Variants in SLIT2 observed in about 807,000 individuals in gnomAD.
SLIT2 encodes the protein slit guidance ligand 2.
Under a neutral mutation model 185.7 loss-of-function variants are expected in SLIT2, and 41 were observed. The observed-to-expected ratio is 0.22, with a 90% CI of 0.17 to 0.29. SLIT2 has a LOEUF of 0.29. SLIT2 is among the 10% of genes least tolerant of loss of function. SLIT2 has a pLI of 1.00. For synonymous variants in SLIT2, 693 were observed against 680.2 expected (o/e 1.02, Z -0.29); for missense variants, 1,571 against 1,909.0 (o/e 0.82, Z 3.30).
intron 4 of SLIT2, among the ~76,000 whole-genome samples, chr4:20,350,194 AAGCACTGAGCAG>A (rs1721749429): frequency 6.6e-6 from 1 of 152,156 alleles, no homozygotes; most frequent in African/African-American, 2.4e-5. Flanking sequence ...CTCAATTAAT[AAGCACTGAGCAG>A]AGCATACTTT....
At chr4:20,517,904 C>T (rs1156964673) in intron 11 of SLIT2, among the ~76,000 whole-genome samples, 2 of 151,714 alleles carry the variant, frequency 1.3e-5, no homozygotes, top group East Asian at 3.9e-4. Flanking sequence ...TATGTTATGG[C>T]AGCCATTTGT....
intron 11 of SLIT2, among the ~76,000 whole-genome samples, chr4:20,511,349 A>G (rs1288039901): frequency 6.7e-6 from 1 of 150,192 alleles, no homozygotes; most frequent in Non-Finnish European, 1.5e-5. Context: ...AGGGGTGTAT[A>G]TTTTATAGTT....
Position 20,482,517 on chromosome 4 carries a change from A to G in SLIT2, c.539+1730A>G, listed in dbSNP as rs936371391. 2.6e-5 allele frequency among the ~76,000 whole-genome samples: 4 copies of G among 152,024 alleles called. No individual in the cohort carries two copies. The South Asian group carries it at 8.3e-4, about 31-fold the overall frequency. On this transcript the variant is annotated intron_variant, in intron 6 of 36. Transcript: ENST00000504154. ...TGTCTTCAGAAGCAGTACGTTTATG[A>G]AAACACAATCATCTCATACATTTTG... is the stretch of plus-strand genomic sequence containing the variant.
intron 3 of SLIT2, among the ~76,000 whole-genome samples, chr4:20,265,780 A>T (rs1371310788): frequency 6.6e-6 from 1 of 151,978 alleles, no homozygotes. Flanking sequence ...TAGTTCATAG[A>T]TATTTAAGAA....
At chr4:20,323,255 A>G (rs1285016171) in intron 4 of SLIT2, among the ~76,000 whole-genome samples, 1 of 152,208 alleles carries the variant, frequency 6.6e-6, no homozygotes, top group Non-Finnish European at 1.5e-5. Context: ...AGACTCTGAT[A>G]TCTTGCTTTC....
intron 4 of SLIT2, among the ~76,000 whole-genome samples, chr4:20,380,228 C>T (rs1344880504): frequency 2.6e-5 from 4 of 152,150 alleles, no homozygotes; most frequent in Non-Finnish European, 4.4e-5. Flanking sequence ...ATCAAATGCT[C>T]TTCTGGACTT....
intron 28 of SLIT2, among the ~76,000 whole-genome samples, chr4:20,567,897 A>G (rs1725240037): frequency 6.6e-6 from 1 of 152,080 alleles, no homozygotes; most frequent in South Asian, 2.1e-4. Context: ...ACAAAGTATT[A>G]ATATTGGCTC....
Position 20,463,476 on chromosome 4 carries a change from T to G in SLIT2, c.396-4276T>G, listed in dbSNP as rs1283097703. Among the ~76,000 whole-genome samples, 9 of 118,258 alleles carry G rather than the reference T, an allele frequency of 7.6e-5. No homozygotes were observed. The South Asian group carries it at 1.1e-3, about 15-fold the overall frequency. The allele number at this position is 118,258 out of a possible 152,430, so 77.6% of individuals were successfully genotyped here. ...ATATATATATATATATATATATATA[T>G]ATATATATATATATATGTGTGTGTG... On this transcript the variant is annotated intron_variant, in intron 4 of 36. Transcript: ENST00000504154.
chr4:20,473,329 T>G (rs1715766406), intron 5 of SLIT2, among the ~76,000 whole-genome samples: 1 of 152,056 alleles, frequency 6.6e-6, no homozygotes, highest in Non-Finnish European at 1.5e-5. Flanking sequence ...ATATTTGTAT[T>G]TATCCTTTTT....
In SLIT2 at chr4:20,428,883, G is replaced by T. The variant is rs1012226010; in HGVS notation, c.396-38869G>T. The stretch of plus-strand genomic sequence containing the variant: ...TGCTCCCCACTTGAACTCCGCTTTA[G>T]CCCTGGTCACTGCAGTTGTCAGTAT... On this transcript the variant is annotated intron_variant, in intron 4 of 36. Transcript: ENST00000504154. 3.3e-5 allele frequency among the ~76,000 whole-genome samples: 5 copies of T among 152,350 alleles called. No individual in the cohort carries two copies. The East Asian group carries it at 9.6e-4, about 29-fold the overall frequency.
chr4:20,537,743 AT>A (rs967787718), intron 18 of SLIT2, among the ~76,000 whole-genome samples: 11 of 152,096 alleles, frequency 7.2e-5, no homozygotes, highest in African/African-American at 2.2e-4. Flanking sequence ...GAACATACCT[AT>A]TCTTGGTGTC....
intron 4 of SLIT2, among the ~76,000 whole-genome samples, chr4:20,436,347 C>T (rs998542389): frequency 3.3e-5 from 5 of 152,158 alleles, no homozygotes; most frequent in African/African-American, 7.2e-5. Flanking sequence ...TTCCTTCTAC[C>T]GTATTTCCAT....
intron 18 of SLIT2, among the ~76,000 whole-genome samples, chr4:20,539,156 T>C (rs939819774): frequency 5.9e-5 from 9 of 152,178 alleles, no homozygotes; most frequent in Non-Finnish European, 1.2e-4. Flanking sequence ...GCAAACATAA[T>C]TGTAGCATCA....
At chr4:20,616,614 T>G in intron 34 of SLIT2, 1 of 261,610 alleles carries the variant, frequency 3.8e-6, no homozygotes, top group East Asian at 7.3e-5. Flanking sequence ...CCTCTAGGTT[T>G]TATATATTTG....
intron 9 of SLIT2, among the ~76,000 whole-genome samples, chr4:20,510,037 T>C (rs1274662454): frequency 2.0e-5 from 3 of 152,176 alleles, no homozygotes; most frequent in Non-Finnish European, 4.4e-5. Flanking sequence ...TAACCGATCA[T>C]ATGCTTTCCA....
intron 4 of SLIT2, among the ~76,000 whole-genome samples, chr4:20,438,770 C>T (rs972407657): frequency 2.6e-5 from 4 of 152,226 alleles, no homozygotes; most frequent in Non-Finnish European, 1.5e-5. Flanking sequence ...TATTTCCACC[C>T]TGGGGCCTTT....
At chr4:20,341,388 A>G (rs1488367829) in intron 4 of SLIT2, among the ~76,000 whole-genome samples, 1 of 152,252 alleles carries the variant, frequency 6.6e-6, no homozygotes, top group African/African-American at 2.4e-5. Context: ...GTGCTTAGGC[A>G]GCCCCACTTA....
intron 29 of SLIT2, among the ~76,000 whole-genome samples, chr4:20,582,952 T>G (rs1043692996): frequency 1.3e-5 from 2 of 152,226 alleles, no homozygotes; most frequent in Non-Finnish European, 2.9e-5. Flanking sequence ...TGGATAGAGA[T>G]AATTTACGTG....
intron 4 of SLIT2, among the ~76,000 whole-genome samples, chr4:20,437,831 C>T (rs945140156): frequency 1.8e-4 from 26 of 145,178 alleles, no homozygotes; most frequent in East Asian, 4.1e-4. Context: ...AGGAGAATGG[C>T]GTGAACCCAA....
Sources: allele counts gnomAD v4.1 joint callset (sites outside exome capture counted in the v4.1 genomes callset), GRCh38; gene constraint gnomAD v4.1.1; transcripts MANE v1.5; gene names NCBI Gene and HGNC (gene_info 2026-07-23, HGNC 2026-07-21).